The following HIP1 variants were observed in gnomAD, a reference collection of about 807,000 sequenced individuals.
The protein encoded by HIP1 is huntingtin interacting protein 1.
In HIP1, 65 loss-of-function variants were observed where a neutral mutation model predicts 147.6. The observed-to-expected ratio is 0.44, with a 90% CI of 0.36 to 0.54. HIP1 has a LOEUF of 0.54. HIP1 is among the 20% of genes least tolerant of loss of function. HIP1 has a pLI of 0.00. For missense variants in HIP1, 1,061 were observed against 1,299.6 expected, an observed-to-expected ratio of 0.82 and a Z score of 2.82; for synonymous variants, 479 against 504.0, an observed-to-expected ratio of 0.95 and a Z score of 0.67.
At chr7:75,542,787 AG>A in intron 28 of HIP1, 63 bp downstream of exon 28, 1 of 1,528,490 alleles carries the variant, frequency 6.5e-7, no homozygotes, top group Admixed American at 1.8e-5. Context: ...TTGGGATCAC[AG>A]GGAAGGATGC....
At chr7:75,560,682 C>A (rs1350114387) in intron 13 of HIP1, among the ~76,000 whole-genome samples, 2 of 152,132 alleles carry the variant, frequency 1.3e-5, no homozygotes, top group African/African-American at 4.8e-5. Flanking sequence ...ATGCTGTCCT[C>A]ATGGCATGTA....
At position 75,553,441 on chromosome 7, in the gene HIP1, T is replaced by C. The variant is rs369091957; in HGVS notation, c.2295+12A>G. The stretch of plus-strand genomic sequence containing the variant: ...GAATAACAATGCTCCTCAATGATAC[T>C]ACTCCAAGTACCTCGCCGATGGCCT... On this transcript the variant is annotated intron_variant, in intron 22 of 30. Coordinates refer to ENST00000336926, the MANE Select transcript of HIP1 (RefSeq NM_005338.7). 3 of 1,613,392 alleles carry C rather than the reference T, an allele frequency of 1.9e-6. No homozygotes were observed. Among genetic ancestry groups the C allele is most frequent in the Non-Finnish European group, 2.5e-6 (3 of 1,179,812 alleles).
chr7:75,661,192 C>T (rs578048191), intron 1 of HIP1, among the ~76,000 whole-genome samples: 1 of 151,266 alleles, frequency 6.6e-6, no homozygotes, highest in African/African-American at 2.4e-5. Flanking sequence ...AAGGGAGGAT[C>T]ACTTGAGCCT....
rs1012999115 is a variant in HIP1 at position 75,538,184 on chromosome 7, G to A, written c.3102C>T (p.Thr1034=). Residue 1034 remains threonine, a synonymous_variant, in exon 31 of 31, where the codon ACC becomes ACT. Coordinates refer to ENST00000336926, the MANE Select transcript of HIP1 (RefSeq NM_005338.7). ...ASPPTLQEVV[T]EKE is the part of the protein sequence containing the mutation. ...TGTTGGTTTGGCTCTATTCTTTTTC[G>A]GTTACCACTTCTTGCAGTGTAGGTG... is the stretch of plus-strand genomic sequence containing the variant. 25 of 1,611,906 alleles carry A rather than the reference G, an allele frequency of 1.6e-5. No homozygotes were observed. Among genetic ancestry groups the A allele is most frequent in the East Asian group, 8.9e-5 (4 of 44,882 alleles).
At chr7:75,611,909 T>A in intron 1 of HIP1, 2 of 1,002,240 alleles carry the variant, frequency 2.0e-6, no homozygotes, top group Non-Finnish European at 1.2e-6. Flanking sequence ...GCACTCCCCA[T>A]CCTCCGCTCG....
At position 75,555,399 on chromosome 7, in the gene HIP1, G is replaced by C. The variant is rs374015895; in HGVS notation, c.1963+17C>G. 1.1e-5 allele frequency: 18 copies of C among 1,612,910 alleles called. No homozygotes were observed. In the African/African-American group the frequency reaches 2.1e-4, roughly 19 times the overall value. On this transcript the variant is annotated intron_variant, in intron 19 of 30. Coordinates refer to ENST00000336926, the MANE Select transcript of HIP1 (RefSeq NM_005338.7). ...GTAAGGACCTGGCCCCTGCCAGCTG[G>C]GCAATTGCAAGTGTACCTGCAGACC... is the stretch of plus-strand genomic sequence containing the variant.
chr7:75,544,912 G>T, intron 26 of HIP1, 112 bp from the exon 27 acceptor site: 1 of 789,766 alleles, frequency 1.3e-6, no homozygotes, highest in Non-Finnish European at 2.1e-6. Context: ...AGGGGAGGCT[G>T]CCTGCCCTGT....
Position 75,537,635 on chromosome 7 carries a change from C to G in HIP1, c.*537G>C, listed in dbSNP as rs184977262. On this transcript the variant is annotated 3_prime_UTR_variant, in exon 31 of 31. Coordinates refer to ENST00000336926, the MANE Select transcript of HIP1 (RefSeq NM_005338.7). ...GCATTCACAGCCAGGACACTCCTGC[C>G]GTCCTTCTGACTGTGCAGATCTCAG... is the stretch of plus-strand genomic sequence containing the variant. 3.0e-5 allele frequency: 7 copies of G among 233,952 alleles called. No individual in the cohort carries two copies. Among genetic ancestry groups the G allele is most frequent in the South Asian group, 3.6e-4 (2 of 5,590 alleles). 14.5% of individuals were successfully genotyped at this position (233,952 alleles called of 1,614,324 possible).
intron 1 of HIP1, among the ~76,000 whole-genome samples, chr7:75,724,043 G>A (rs1335022252): frequency 6.6e-6 from 1 of 151,776 alleles, no homozygotes; most frequent in Non-Finnish European, 1.5e-5. Context: ...TGCAACCTCC[G>A]CCCCCGGGGC....
At chr7:75,670,541 C>A (rs2696213) in intron 1 of HIP1, among the ~76,000 whole-genome samples, 85,522 of 151,456 alleles carry the variant, frequency 0.56, 24,598 homozygotes, top group African/African-American at 0.66. Flanking sequence ...GGCCGTTCAT[C>A]TTTGTAAAAC....
chr7:75,554,267 C>T (rs782411823), intron 20 of HIP1, 47 bp from the exon 21 acceptor site: 2 of 1,487,976 alleles, frequency 1.3e-6, no homozygotes, highest in Non-Finnish European at 1.9e-6. Flanking sequence ...TTGATGGTGA[C>T]ACTTTCATAC....
At chr7:75,617,890 T>C (rs1490016079) in intron 1 of HIP1, among the ~76,000 whole-genome samples, 1 of 152,246 alleles carries the variant, frequency 6.6e-6, no homozygotes, top group Non-Finnish European at 1.5e-5. Flanking sequence ...TAGTCACTGG[T>C]TGGGCAAGTC....
intron 2 of HIP1, among the ~76,000 whole-genome samples, 162 bp from the exon 3 acceptor site, chr7:75,592,676 T>A (rs1319792468): frequency 6.6e-6 from 1 of 152,148 alleles, no homozygotes; most frequent in Non-Finnish European, 1.5e-5. Flanking sequence ...ACACAGCCAC[T>A]GCAGGGGACC....
At chr7:75,628,029 C>G (rs1554508247) in intron 1 of HIP1, among the ~76,000 whole-genome samples, 1 of 152,232 alleles carries the variant, frequency 6.6e-6, no homozygotes, top group Non-Finnish European at 1.5e-5. Context: ...AATGAATGTG[C>G]TCACTCCTCT....
intron 1 of HIP1, among the ~76,000 whole-genome samples, chr7:75,651,224 C>G (rs144330485): frequency 0.016 from 2,419 of 151,928 alleles, 63 homozygotes; most frequent in African/African-American, 0.055. Flanking sequence ...CTTTGGGAGG[C>G]AGAGGCAGGC....
At chr7:75,732,703 C>T (rs1436535273) in intron 1 of HIP1, among the ~76,000 whole-genome samples, 1 of 152,152 alleles carries the variant, frequency 6.6e-6, no homozygotes, top group South Asian at 2.1e-4. Context: ...TTTTGACTCT[C>T]TAAAGGTTTG....
intron 1 of HIP1, chr7:75,639,198 AGGC>A (rs530262772): frequency 1.5e-4 from 140 of 961,634 alleles, no homozygotes; most frequent in South Asian, 2.4e-4. Context: ...GGACCGGGGC[AGGC>A]GGCGGCGGCG....
chr7:75,627,367 G>T (rs1331007254), intron 1 of HIP1, among the ~76,000 whole-genome samples: 1 of 152,058 alleles, frequency 6.6e-6, no homozygotes, highest in Non-Finnish European at 1.5e-5. Context: ...AATCTCTATA[G>T]AATAAAGAAC....
intron 4 of HIP1, among the ~76,000 whole-genome samples, chr7:75,587,809 A>G (rs1211628386): frequency 6.6e-6 from 1 of 152,098 alleles, no homozygotes; most frequent in African/African-American, 2.4e-5. Context: ...ACAAAAAATT[A>G]AAAAATTAGC....
Sources: gnomAD v4.1 joint callset for allele counts (sites outside exome capture counted in the v4.1 genomes callset) on GRCh38, gnomAD v4.1.1 for gene constraint, MANE v1.5 for transcripts, NCBI Gene and HGNC (gene_info 2026-07-23, HGNC 2026-07-21) for gene names.